Variants in ZNF333 observed in about 807,000 individuals in gnomAD.
ZNF333 encodes zinc finger protein 333.
In ZNF333, 61 loss-of-function variants were observed where a neutral mutation model predicts 76.1. The observed-to-expected ratio is 0.80, with a 90% CI of 0.65 to 0.99. The LOEUF (loss-of-function observed/expected upper bound fraction) is 0.99, where lower values mean the gene tolerates loss of function less well. Among genes scored for constraint, ZNF333 ranks in the 50% least tolerant of loss-of-function variants. The probability of loss-of-function intolerance (pLI) is 0.00; values close to 1 mark genes in which losing one functional copy is unlikely to be tolerated. For synonymous variants in ZNF333, 284 were observed against 305.0 expected, an observed-to-expected ratio of 0.93 and a Z score of 0.72; for missense variants, 717 against 822.4, an observed-to-expected ratio of 0.87 and a Z score of 1.57.
rs780864219 is a variant in ZNF333 at position 14,695,130 on chromosome 19, A to G, written c.124A>G (p.Arg42Gly). 4 of 1,613,348 alleles carry G rather than the reference A, an allele frequency of 2.5e-6. No homozygotes were observed. The Admixed American group carries it at 6.7e-5, about 27-fold the overall frequency. The change falls in exon 3 of 12, where the codon AGG (arginine) becomes GGG (glycine). Residue 42 changes from arginine (R) to glycine (G), a missense_variant. By Grantham distance (125) the Arg-to-Gly change is moderately radical. Coordinates refer to ENST00000292530, the MANE Select transcript of ZNF333 (RefSeq NM_032433.4). ...TGACCAGTGCAGGACCCTGGCCTCC[A>G]GGGGTAAGGCTGGCGTCACCTGGCT... ...MLDQCRTLAS[R>G]GTPPCKPSCV...
In ZNF333 at chr19:14,719,250, G is replaced by A. The variant is rs2042534591; in HGVS notation, c.1923G>A (p.Val641=). The part of the protein sequence containing the change: ...SSLTVHKRTH[V]GRETIRNGSL... Reference sequence around the variant, plus strand: ...TCACTGTACACAAAAGAACCCATGTGGGAAGAGAGACCATTAGGAATGGCA... The same window carrying A: ...TCACTGTACACAAAAGAACCCATGTAGGAAGAGAGACCATTAGGAATGGCA... The change falls in exon 12 of 12, where the codon GTG becomes GTA. Residue 641 remains valine (V), a synonymous_variant. Transcript: ENST00000292530. The A allele has an allele frequency of 6.2e-7, 1 of 1,614,078 alleles. No individual in the cohort carries two copies. The highest frequency in any genetic ancestry group is 1.3e-5 in the African/African-American group (1 of 74,928).
intron 7 of ZNF333, chr19:14,708,094 G>A (rs1174977562): frequency 1.8e-5 from 7 of 389,406 alleles, no homozygotes; most frequent in Middle Eastern, 5.9e-4. Context: ...TGCAACCTCT[G>A]CCTCCCGGGT....
chr19:14,702,613 G>A (rs1020060038), intron 5 of ZNF333, among the ~76,000 whole-genome samples: 1 of 152,190 alleles, frequency 6.6e-6, no homozygotes, highest in Non-Finnish European at 1.5e-5. Context: ...CCCCACAGCT[G>A]CCTCTTCTGC....
intron 5 of ZNF333, among the ~76,000 whole-genome samples, chr19:14,704,042 T>A (rs898639343): frequency 3.3e-5 from 5 of 152,322 alleles, no homozygotes; most frequent in African/African-American, 1.2e-4. Context: ...TGGGTTCTCC[T>A]GAGGACTCTC....
chr19:14,712,889 T>C (rs1222205062), intron 7 of ZNF333, among the ~76,000 whole-genome samples: 6 of 152,296 alleles, frequency 3.9e-5, no homozygotes, highest in African/African-American at 1.2e-4. Flanking sequence ...TTCTCTTTTT[T>C]GGGGGGTTCA....
At chr19:14,724,876 T>C (rs952407755), downstream of ZNF333, among the ~76,000 whole-genome samples, 1 of 152,252 alleles carries the variant, frequency 6.6e-6, no homozygotes, top group African/African-American at 2.4e-5. Flanking sequence ...GAGCACCTAT[T>C]TGGTGCTGTA....
intron 5 of ZNF333, among the ~76,000 whole-genome samples, chr19:14,703,549 T>C (rs959506116): frequency 5.3e-5 from 8 of 151,964 alleles, no homozygotes; most frequent in Non-Finnish European, 8.8e-5. Flanking sequence ...CATTGGAAAA[T>C]TTTGATTACT....
rs137985522 is a variant in ZNF333, at chr19:14,710,802, G to A, written c.511+4029G>A. On this transcript the variant is annotated intron_variant, in intron 7 of 11. Transcript: ENST00000292530. ...TTAAAAAATAAAAAAATAAATAAAA[G>A]TAAATAAAAGAAGTGTATCTGACTC... Among the ~76,000 whole-genome samples the A allele has an allele frequency of 9.0e-3, 1,375 of 152,156 alleles. 11 individuals are homozygous for A. Among genetic ancestry groups the A allele is most frequent in the Non-Finnish European group, 0.016 (1,097 of 67,986 alleles).
intron 4 of ZNF333, among the ~76,000 whole-genome samples, chr19:14,697,969 A>T (rs1599695211): frequency 6.6e-6 from 1 of 152,148 alleles, no homozygotes; most frequent in South Asian, 2.1e-4. Context: ...CAGTCCTCAT[A>T]GAATTCTTAG....
chr19:14,707,549 C>CTT lies in ZNF333; in HGVS notation c.511+795_511+796dup, dbSNP rs751633025. Reference sequence around the variant, plus strand: ...CTAGTAAGAATAATAAGCTTTGTTTCTTTTTTTTTTTTTTTTTTTTGAGAC... The same window carrying CTT: ...CTAGTAAGAATAATAAGCTTTGTTTCTTTTTTTTTTTTTTTTTTTTTTGAGAC... On this transcript the variant is annotated intron_variant, in intron 7 of 11. Coordinates refer to ENST00000292530, the MANE Select transcript of ZNF333 (RefSeq NM_032433.4). Among the ~76,000 whole-genome samples the CTT allele has an allele frequency of 3.9e-3, 452 of 115,662 alleles. 6 individuals carry two copies. The highest frequency in any genetic ancestry group is 7.1e-3 in the South Asian group (25 of 3,508). The allele number at this position is 115,662 out of a possible 152,430, so 75.9% of individuals were successfully genotyped here.
chr19:14,712,894 G>A (rs2042319154), intron 7 of ZNF333, among the ~76,000 whole-genome samples: 1 of 151,976 alleles, frequency 6.6e-6, no homozygotes, highest in African/African-American at 2.4e-5. Context: ...TTTTTTGGGG[G>A]GTTCACAGTT....
rs1320629974 is a variant in ZNF333 at position 14,690,101 on chromosome 19, G to GCGGCGCGGCGCGGCACGGCA, written c.-83_-82insCGCGGCACGGCACGGCGCGG. 1 of 151,384 alleles carries GCGGCGCGGCGCGGCACGGCA rather than the reference G, an allele frequency of 6.6e-6. No individual in the cohort carries two copies. Among genetic ancestry groups the GCGGCGCGGCGCGGCACGGCA allele is most frequent in the African/African-American group, 2.4e-5 (1 of 41,058 alleles). 9.4% of individuals were successfully genotyped at this position (151,384 alleles called of 1,614,324 possible). A position where few individuals can be genotyped will look rare whatever the true frequency, so the allele number is the denominator to read the frequency against. On this transcript the variant is annotated 5_prime_UTR_variant, in exon 1 of 12. Coordinates refer to ENST00000292530, the MANE Select transcript of ZNF333 (RefSeq NM_032433.4). The stretch of plus-strand genomic sequence containing the variant: ...CGGCGGCTGAGCTGTGCTGCGCGGC[G>GCGGCGCGGCGCGGCACGGCA]CGGCGCGGTGCGGCACGGCACGGTG...
chr19:14,716,086 T>C, intron 8 of ZNF333, 26 bp from the exon 9 acceptor site: 5 of 1,613,570 alleles, frequency 3.1e-6, no homozygotes, highest in Non-Finnish European at 4.2e-6. Flanking sequence ...GGTCCCTGGC[T>C]GAGCCGGGAT....
intron 4 of ZNF333, among the ~76,000 whole-genome samples, chr19:14,697,293 A>T (rs927683409): frequency 1.3e-5 from 2 of 148,704 alleles, no homozygotes; most frequent in African/African-American, 5.0e-5. Context: ...GATTGTTTCT[A>T]CTTTTTAGCT....
At chr19:14,717,509 C>T in intron 10 of ZNF333, 148 bp from the exon 11 acceptor site, 1 of 637,560 alleles carries the variant, frequency 1.6e-6, no homozygotes. Context: ...CTTTTAGATG[C>T]ATTCCTTCTC....
chr19:14,704,973 C>A, intron 5 of ZNF333, 81 bp from the exon 6 acceptor site: 1 of 1,402,860 alleles, frequency 7.1e-7, no homozygotes, highest in Non-Finnish European at 9.9e-7. Flanking sequence ...CAGCCCTAAG[C>A]CCCAAACCAA....
At chr19:14,717,625 T>A (rs1184578204) in intron 10 of ZNF333, 32 bp from the exon 11 acceptor site, 1 of 1,594,752 alleles carries the variant, frequency 6.3e-7, no homozygotes. Context: ...TTTCTCTGTG[T>A]GCTTAACTTT....
At chr19:14,699,449 A>T (rs6511958) in intron 5 of ZNF333, 168 bp downstream of exon 5, 384,650 of 571,342 alleles carry the variant, frequency 0.67, 133,657 homozygotes, top group African/African-American at 0.87. Context: ...GGGCAAACCC[A>T]GACTGTTGCT....
intron 5 of ZNF333, among the ~76,000 whole-genome samples, chr19:14,703,318 C>T (rs2042016806): frequency 6.6e-6 from 1 of 152,220 alleles, no homozygotes; most frequent in South Asian, 2.1e-4. Context: ...GGGTCCCTCC[C>T]ATGACATACG....
Sources: allele counts gnomAD v4.1 joint callset (sites outside exome capture counted in the v4.1 genomes callset), GRCh38; gene constraint gnomAD v4.1.1; transcripts MANE v1.5; gene names NCBI Gene and HGNC (gene_info 2026-07-23, HGNC 2026-07-21).